The following SCHIP1 variants were observed in gnomAD, a reference collection of about 807,000 sequenced individuals.
The protein encoded by SCHIP1 is schwannomin-interacting protein 1.
SCHIP1 carries 8 observed loss-of-function variants against 29.7 expected under a neutral mutation model. The observed-to-expected ratio is 0.27, with a 90% confidence interval of 0.16 to 0.49. SCHIP1 has a LOEUF of 0.49. Among genes scored for constraint, SCHIP1 ranks in the 20% least tolerant of loss-of-function variants. The pLI, the probability that SCHIP1 is intolerant of heterozygous loss-of-function variation, is 0.99. For synonymous variants in SCHIP1, 76 were observed against 94.9 expected (o/e 0.80, Z 1.16); for missense variants, 193 against 294.6 (o/e 0.66, Z 2.52).
the SCHIP1 span, among the ~76,000 whole-genome samples, chr3:159,494,482 G>C: frequency 6.6e-6 from 1 of 152,140 alleles, no homozygotes; most frequent in Non-Finnish European, 1.5e-5. Flanking sequence ...ACACCTCTAC[G>C]CAAATAAACT....
chr3:159,769,570 T>C, the SCHIP1 span, among the ~76,000 whole-genome samples: 2 of 151,934 alleles, frequency 1.3e-5, no homozygotes, highest in African/African-American at 4.8e-5. Flanking sequence ...GCCAACGTGG[T>C]GAAACCCCAT....
chr3:159,317,985 T>A, the SCHIP1 span, among the ~76,000 whole-genome samples: 2 of 152,156 alleles, frequency 1.3e-5, no homozygotes, highest in Admixed American at 1.3e-4. Context: ...GGGTTCAGTG[T>A]TGGTCTCTGC....
the SCHIP1 span, among the ~76,000 whole-genome samples, chr3:159,397,150 G>A: frequency 9.3e-5 from 14 of 151,220 alleles, no homozygotes; most frequent in Admixed American, 4.6e-4. Context: ...CGTAGTTCTC[G>A]AGCCTTGGTT....
At chr3:159,742,734 C>T in the SCHIP1 span, among the ~76,000 whole-genome samples, 2 of 151,600 alleles carry the variant, frequency 1.3e-5, no homozygotes, top group African/African-American at 4.9e-5. Flanking sequence ...ATGGTCCGAT[C>T]TCAGCTCACT....
At chr3:159,592,000 A>C in the SCHIP1 span, among the ~76,000 whole-genome samples, 1 of 107,240 alleles carries the variant, frequency 9.3e-6, no homozygotes, top group Non-Finnish European at 1.5e-5. Flanking sequence ...AAAAAAAAAA[A>C]AAGAAAGAAA....
At chr3:159,404,419 C>T in the SCHIP1 span, among the ~76,000 whole-genome samples, 8 of 152,238 alleles carry the variant, frequency 5.3e-5, no homozygotes, top group East Asian at 3.9e-4. Flanking sequence ...CTGAAGGGAG[C>T]GTCCTAGGCC....
the SCHIP1 span, among the ~76,000 whole-genome samples, chr3:159,477,132 G>T: frequency 5.3e-5 from 8 of 152,028 alleles, no homozygotes; most frequent in African/African-American, 1.4e-4. Flanking sequence ...TTTCTCCTTT[G>T]TTAAGGCTGA....
chr3:159,688,646 G>A, the SCHIP1 span, among the ~76,000 whole-genome samples: 199 of 152,134 alleles, frequency 1.3e-3, 2 homozygotes, highest in East Asian at 0.033. Flanking sequence ...CATTGCTTTT[G>A]GTGTTTTAGT....
At chr3:159,783,278 G>A in the SCHIP1 span, among the ~76,000 whole-genome samples, 2 of 152,178 alleles carry the variant, frequency 1.3e-5, no homozygotes, top group Admixed American at 1.3e-4. Context: ...TTGGCCAGCT[G>A]CCGAGGCAGA....
At chr3:159,515,607 G>A in the SCHIP1 span, among the ~76,000 whole-genome samples, 4 of 152,212 alleles carry the variant, frequency 2.6e-5, no homozygotes, top group Admixed American at 6.5e-5. Flanking sequence ...ATTAGTGCCC[G>A]TTTTAATGAA....
the SCHIP1 span, among the ~76,000 whole-genome samples, chr3:159,583,936 G>A: frequency 2.6e-5 from 4 of 152,122 alleles, no homozygotes; most frequent in Admixed American, 2.0e-4. Flanking sequence ...AGGTATCCCA[G>A]AAATGCACAA....
chr3:159,818,570 G>C, the SCHIP1 span, among the ~76,000 whole-genome samples: 1 of 152,238 alleles, frequency 6.6e-6, no homozygotes, highest in Non-Finnish European at 1.5e-5. Flanking sequence ...TTGTGTGACC[G>C]TAGGGAAGCC....
the SCHIP1 span, among the ~76,000 whole-genome samples, chr3:159,413,411 G>T: frequency 6.6e-6 from 1 of 151,996 alleles, no homozygotes; most frequent in Non-Finnish European, 1.5e-5. Context: ...TAAAACCTTT[G>T]TACTCCAATA....
At chr3:159,346,417 C>T in the SCHIP1 span, among the ~76,000 whole-genome samples, 1 of 151,938 alleles carries the variant, frequency 6.6e-6, no homozygotes, top group Non-Finnish European at 1.5e-5. Context: ...GAAATCATGA[C>T]ATCCCATTTC....
chr3:159,450,319 C>A, the SCHIP1 span, among the ~76,000 whole-genome samples: 3 of 152,148 alleles, frequency 2.0e-5, no homozygotes, highest in Admixed American at 6.5e-5. Context: ...CTATTGCCTG[C>A]TTATAAGTGT....
the SCHIP1 span, among the ~76,000 whole-genome samples, chr3:159,612,956 T>G: frequency 6.6e-6 from 1 of 152,206 alleles, no homozygotes; most frequent in Non-Finnish European, 1.5e-5. Context: ...AGATAAGTAT[T>G]AAATTCTTTA....
chr3:159,493,183 A>G, the SCHIP1 span, among the ~76,000 whole-genome samples: 1 of 152,208 alleles, frequency 6.6e-6, no homozygotes, highest in Non-Finnish European at 1.5e-5. Flanking sequence ...CTAGGAAGAA[A>G]CTGCATCAAC....
the SCHIP1 span, among the ~76,000 whole-genome samples, chr3:159,433,479 A>T: frequency 1.3e-5 from 2 of 152,208 alleles, no homozygotes; most frequent in Non-Finnish European, 2.9e-5. Context: ...TATAGAAATC[A>T]GGGCAATGAT....
the SCHIP1 span, among the ~76,000 whole-genome samples, chr3:159,540,211 T>A: frequency 6.6e-6 from 1 of 151,976 alleles, no homozygotes; most frequent in East Asian, 1.9e-4. Context: ...TTGTACAATA[T>A]GTAGGCCTGA....
Sources: gnomAD v4.1 joint callset for allele counts (sites outside exome capture counted in the v4.1 genomes callset) on GRCh38, gnomAD v4.1.1 for gene constraint, MANE v1.5 for transcripts, NCBI Gene and HGNC (gene_info 2026-07-23, HGNC 2026-07-21) for gene names.